Variants in KIF13A observed in about 807,000 individuals in gnomAD.
KIF13A encodes kinesin family member 13A.
KIF13A carries 79 observed loss-of-function variants against 212.2 expected under a neutral mutation model. The observed-to-expected ratio is 0.37, with a 90% CI of 0.31 to 0.45. The LOEUF (loss-of-function observed/expected upper bound fraction) is 0.45. KIF13A is among the 20% of genes least tolerant of loss of function. The pLI is 1.00. For synonymous variants in KIF13A, 789 were observed against 808.6 expected (o/e 0.98, Z 0.41); for missense variants, 1,901 against 2,209.0 (o/e 0.86, Z 2.79).
intron 3 of KIF13A, among the ~76,000 whole-genome samples, chr6:17,874,472 GT>G (rs970002737): frequency 2.0e-5 from 3 of 151,802 alleles, no homozygotes; most frequent in African/African-American, 7.3e-5. Flanking sequence ...GTCTCGCTTT[GT>G]TGCCCAGGCT....
At chr6:17,913,222 AG>A (rs5874613) in intron 2 of KIF13A, among the ~76,000 whole-genome samples, 79,302 of 151,872 alleles carry the variant, frequency 0.52, 21,936 homozygotes, top group Non-Finnish European at 0.62. Flanking sequence ...GGATTACGGG[AG>A]GAGCAGGGAG....
At chr6:17,781,332 T>C (rs72837262) in intron 29 of KIF13A, 31 bp from the exon 30 acceptor site, 27,566 of 1,528,080 alleles carry the variant, frequency 0.018, 344 homozygotes, top group Admixed American at 0.034. Context: ...GAAAAAACAG[T>C]AGGGGAAAGT....
intron 29 of KIF13A, among the ~76,000 whole-genome samples, 197 bp from the exon 30 acceptor site, chr6:17,781,498 T>C (rs1326518923): frequency 6.6e-6 from 1 of 152,092 alleles, no homozygotes; most frequent in Non-Finnish European, 1.5e-5. Context: ...AAAAAATCAT[T>C]ATGTTTAATA....
intron 20 of KIF13A, 67 bp downstream of exon 20, chr6:17,804,294 A>G: frequency 7.2e-7 from 1 of 1,392,498 alleles, no homozygotes; most frequent in Non-Finnish European, 9.5e-7. Flanking sequence ...AAATAGAATG[A>G]AAAACAAAAT....
At position 17,780,853 on chromosome 6, in the gene KIF13A, A is replaced by G; in HGVS notation, c.3723T>C (p.Asn1241=). ...DSSVHDSVHL[N]RVTPQNERIY... is the part of the protein sequence containing the mutation. Reference sequence around the variant, plus strand: ...TCCTTTCATTCTGTGGTGTGACCCTATTCAAGTGAACAGAATCATGCACCG... The same window carrying G: ...TCCTTTCATTCTGTGGTGTGACCCTGTTCAAGTGAACAGAATCATGCACCG... The change falls in exon 31 of 39, where the codon AAT becomes AAC. Residue 1241 remains asparagine, a synonymous_variant. Coordinates refer to ENST00000259711, the MANE Select transcript of KIF13A (RefSeq NM_022113.6). The G allele has an allele frequency of 6.2e-7, 1 of 1,613,960 alleles. No homozygotes were observed. Among genetic ancestry groups the G allele is most frequent in the Non-Finnish European group, 8.5e-7 (1 of 1,179,858 alleles).
chr6:17,940,229 T>TGTTA (rs1447270071), intron 2 of KIF13A, among the ~76,000 whole-genome samples: 1 of 151,948 alleles, frequency 6.6e-6, no homozygotes. Context: ...GTTTTGAAGG[T>TGTTA]ACATCAGCAC....
intron 7 of KIF13A, 148 bp downstream of exon 7, chr6:17,851,807 C>A (rs2150400805): frequency 2.4e-6 from 1 of 422,446 alleles, no homozygotes; most frequent in Non-Finnish European, 4.2e-6. Context: ...CCCTTTTCCT[C>A]TCTGTTTGCG....
At chr6:17,862,181 C>A (rs1197659265) in intron 4 of KIF13A, among the ~76,000 whole-genome samples, 1 of 152,068 alleles carries the variant, frequency 6.6e-6, no homozygotes, top group Non-Finnish European at 1.5e-5. Flanking sequence ...ACTGTTTTTA[C>A]AATTTGACTT....
At chr6:17,969,257 T>A (rs999853295) in intron 2 of KIF13A, among the ~76,000 whole-genome samples, 7 of 152,214 alleles carry the variant, frequency 4.6e-5, no homozygotes. Context: ...ACTGTCTTTA[T>A]TCAGAGCAAT....
At chr6:17,959,379 G>A (rs1306052197) in intron 2 of KIF13A, among the ~76,000 whole-genome samples, 1 of 152,180 alleles carries the variant, frequency 6.6e-6, no homozygotes, top group Admixed American at 6.5e-5. Flanking sequence ...ACTACATTAT[G>A]TTTGGGAGAT....
intron 4 of KIF13A, among the ~76,000 whole-genome samples, chr6:17,868,927 G>A (rs1263161837): frequency 2.1e-5 from 3 of 143,538 alleles, no homozygotes; most frequent in African/African-American, 7.9e-5. Flanking sequence ...CCAAGGAGGC[G>A]GAGGTTGCAG....
intron 33 of KIF13A, among the ~76,000 whole-genome samples, chr6:17,778,549 T>C (rs567915266): frequency 6.6e-6 from 1 of 152,314 alleles, no homozygotes; most frequent in South Asian, 2.1e-4. Flanking sequence ...TTTAAGCATA[T>C]GTGCTTTGGA....
chr6:17,973,639 A>G lies in KIF13A; in HGVS notation c.146+13415T>C, dbSNP rs201314144. Among the ~76,000 whole-genome samples, 10 of 152,334 alleles carry G rather than the reference A, an allele frequency of 6.6e-5. No individual in the cohort carries two copies. The East Asian group carries it at 1.2e-3, about 18-fold the overall frequency. ...ACTTAAAGAAAAAAAAAACCCTTAC[A>G]GACTATCTAGTCCAGCCCTCAATTT... On this transcript the variant is annotated intron_variant, in intron 2 of 38. Transcript: ENST00000259711.
rs12196576 is a variant in KIF13A at position 17,947,123 on chromosome 6, A to C, written c.146+39931T>G. ...TTAAAACCAGGCAAATATAATATTA[A>C]AGTTGTTAAATTATAAAGAAAACTA... On this transcript the variant is annotated intron_variant, in intron 2 of 38. Transcript: ENST00000259711. This position sits in a 1 kb window ranked among gnomAD's most constrained non-coding sequence, Gnocchi z 4.6. 0.12 allele frequency among the ~76,000 whole-genome samples: 17,964 copies of C among 152,262 alleles called. 1,478 individuals are homozygous for C. The highest frequency in any genetic ancestry group is 0.22 in the African/African-American group (9,062 of 41,540).
At chr6:17,832,823 G>A (rs10949460) in intron 12 of KIF13A, among the ~76,000 whole-genome samples, 65,120 of 151,068 alleles carry the variant, frequency 0.43, 14,986 homozygotes, top group South Asian at 0.54. Flanking sequence ...ATCAGCTGGG[G>A]CAACACGGTG....
intron 4 of KIF13A, among the ~76,000 whole-genome samples, chr6:17,866,009 G>A (rs79855677): frequency 0.012 from 1,818 of 152,244 alleles, 38 homozygotes; most frequent in African/African-American, 0.042. Flanking sequence ...CACTGCCCTG[G>A]GCACTGGTCT....
chr6:17,941,967 A>C (rs1776993851), intron 2 of KIF13A, among the ~76,000 whole-genome samples: 1 of 151,964 alleles, frequency 6.6e-6, no homozygotes, highest in Non-Finnish European at 1.5e-5. Context: ...TGTCAAATTA[A>C]CTTGTTCTCT....
chr6:17,900,853 C>T lies in KIF13A; in HGVS notation c.147-2673G>A, dbSNP rs1248964407. 1.3e-5 allele frequency among the ~76,000 whole-genome samples: 2 copies of T among 151,862 alleles called. No homozygotes were observed. The highest frequency in any genetic ancestry group is 1.9e-4 in the East Asian group (1 of 5,160). On this transcript the variant is annotated intron_variant, in intron 2 of 38. Transcript: ENST00000259711. This position sits in a 1 kb window ranked among gnomAD's most constrained non-coding sequence, Gnocchi z 4.6. ...CAGCACTTTGGGAGGCTGAGGCAGG[C>T]GGATCACAAGTTCAGGGGATCGAGA...
At chr6:17,865,082 T>C (rs868680183) in intron 4 of KIF13A, among the ~76,000 whole-genome samples, 2 of 152,346 alleles carry the variant, frequency 1.3e-5, no homozygotes, top group South Asian at 4.1e-4. Flanking sequence ...CGCCCTATCT[T>C]GTTTAAAATC....
Sources: gnomAD v4.1 joint callset for allele counts (sites outside exome capture counted in the v4.1 genomes callset) on GRCh38, gnomAD v4.1.1 for gene constraint, Gnocchi (gnomAD v3.1) non-coding constraint, MANE v1.5 for transcripts, NCBI Gene and HGNC (gene_info 2026-07-23, HGNC 2026-07-21) for gene names.